Variants in MBNL2 observed in about 807,000 individuals in gnomAD.
MBNL2 encodes the protein muscleblind-like protein 2.
MBNL2 carries 17 observed loss-of-function variants against 41.9 expected under a neutral mutation model. The ratio of observed to expected loss-of-function variants is 0.41; its 90% CI spans 0.28 to 0.61. The LOEUF (loss-of-function observed/expected upper bound fraction) is 0.61, where lower values mean the gene tolerates loss of function less well. Ranked by LOEUF, MBNL2 falls within the 20% of genes least tolerant of loss-of-function variation. The pLI is 0.35. For synonymous variants in MBNL2, 195 were observed against 182.9 expected (o/e 1.07, Z -0.53); for missense variants, 336 against 505.6 (o/e 0.66, Z 3.22).
chr13:97,374,767 T>G (rs891107821), intron 8 of MBNL2, among the ~76,000 whole-genome samples: 17 of 152,172 alleles, frequency 1.1e-4, no homozygotes, highest in African/African-American at 2.9e-4. Context: ...TTTTGGCTTT[T>G]GTTGATGGTA....
intron 1 of MBNL2, among the ~76,000 whole-genome samples, chr13:97,265,071 G>A (rs1007293353): frequency 7.9e-5 from 12 of 152,210 alleles, no homozygotes; most frequent in Admixed American, 2.0e-4. Context: ...ATACAAATAC[G>A]TGTTGAATAG....
At chr13:97,203,125 T>C in the MBNL2 span, among the ~76,000 whole-genome samples, 1 of 152,110 alleles carries the variant, frequency 6.6e-6, no homozygotes, top group Non-Finnish European at 1.5e-5. Flanking sequence ...TGTAGGGAAG[T>C]ATGCCTCTTA....
chr13:97,185,060 T>C, the MBNL2 span, among the ~76,000 whole-genome samples: 1 of 152,192 alleles, frequency 6.6e-6, no homozygotes, highest in African/African-American at 2.4e-5. Context: ...TTATTTCTTG[T>C]GTTTCTGCAT....
intron 7 of MBNL2, among the ~76,000 whole-genome samples, chr13:97,358,193 G>A (rs778998500): frequency 1.3e-5 from 2 of 152,042 alleles, no homozygotes; most frequent in Admixed American, 6.5e-5. Context: ...ATACTATTAC[G>A]TACGATGTGC....
intron 2 of MBNL2, among the ~76,000 whole-genome samples, chr13:97,297,489 G>A (rs559248680): frequency 6.6e-6 from 1 of 152,180 alleles, no homozygotes; most frequent in East Asian, 1.9e-4. Context: ...GGAGAATTGG[G>A]GTGGGAATGG....
intron 1 of MBNL2, among the ~76,000 whole-genome samples, chr13:97,254,251 G>T (rs1380044758): frequency 6.6e-6 from 1 of 152,090 alleles, no homozygotes; most frequent in Non-Finnish European, 1.5e-5. Context: ...GAAGCATTTA[G>T]ATATTTAGAT....
At position 97,271,388 on chromosome 13, in the gene MBNL2, G is replaced by A. The variant is rs1191395442; in HGVS notation, c.-604-4244G>A. ...CTCCCAAAGTGCTAGGATGACAGGC[G>A]TGAGCCACTGCACCCAGCCTACTCC... On this transcript the variant is annotated intron_variant, in intron 1 of 8. Coordinates refer to ENST00000679496, the MANE Select transcript of MBNL2 (RefSeq NM_001382683.1). Among the ~76,000 whole-genome samples the A allele has an allele frequency of 4.0e-5, 6 of 151,656 alleles. No individual in the cohort carries two copies. The East Asian group carries it at 7.7e-4, about 20-fold the overall frequency.
chr13:97,361,894 C>G (rs1396256818), intron 7 of MBNL2, among the ~76,000 whole-genome samples: 1 of 150,860 alleles, frequency 6.6e-6, no homozygotes. Context: ...CTCAGCCTTC[C>G]AAGTAGCTGG....
chr13:97,202,614 TA>T, the MBNL2 span, among the ~76,000 whole-genome samples: 5 of 152,122 alleles, frequency 3.3e-5, no homozygotes, highest in East Asian at 1.9e-4. Context: ...CTGCAATGTT[TA>T]AAAAAAATAA....
the MBNL2 span, among the ~76,000 whole-genome samples, chr13:97,144,346 G>GACTATAACC: frequency 6.6e-6 from 1 of 151,434 alleles, no homozygotes; most frequent in African/African-American, 2.4e-5. Flanking sequence ...CTGCTTAGAG[G>GACTATAACC]ACTATAACCA....
chr13:97,356,905 G>A (rs1178135299), intron 6 of MBNL2, 56 bp downstream of exon 6: 2 of 1,113,836 alleles, frequency 1.8e-6, no homozygotes, highest in African/African-American at 3.2e-5. Context: ...AACCATCTGA[G>A]ATTTGTATTA....
chr13:97,210,307 G>A, the MBNL2 span, among the ~76,000 whole-genome samples: 1 of 152,128 alleles, frequency 6.6e-6, no homozygotes, highest in Non-Finnish European at 1.5e-5. Flanking sequence ...TGTCATCTGT[G>A]TTTCTTAGTC....
At chr13:97,196,843 C>T in the MBNL2 span, among the ~76,000 whole-genome samples, 30 of 152,162 alleles carry the variant, frequency 2.0e-4, no homozygotes, top group Non-Finnish European at 4.4e-4. Flanking sequence ...TATCTTTTGC[C>T]ACCATATGGT....
chr13:97,325,378 T>A (rs185516125), intron 2 of MBNL2, among the ~76,000 whole-genome samples: 5 of 152,228 alleles, frequency 3.3e-5, no homozygotes, highest in Non-Finnish European at 5.9e-5. Context: ...GCTCTCCCCA[T>A]CACAAGACAC....
chr13:97,224,650 AAAGTT>A (rs1452763301), intron 1 of MBNL2, among the ~76,000 whole-genome samples: 1 of 150,156 alleles, frequency 6.7e-6, no homozygotes, highest in Non-Finnish European at 1.5e-5. Context: ...AAAAAAAAAA[AAAGTT>A]GTTTGTCTCT....
intron 8 of MBNL2, among the ~76,000 whole-genome samples, chr13:97,389,318 G>C (rs1304418424): frequency 6.6e-6 from 1 of 152,162 alleles, no homozygotes; most frequent in Admixed American, 6.5e-5. Context: ...TTCTTTTCCA[G>C]ATGGTTAGGA....
chr13:97,339,015 CGTAA>C (rs202246414), intron 3 of MBNL2, among the ~76,000 whole-genome samples: 119 of 130,300 alleles, frequency 9.1e-4, no homozygotes, highest in Middle Eastern at 4.1e-3. Flanking sequence ...GTGTTGAGTA[CGTAA>C]GTATGAATGT....
chr13:97,326,467 T>C (rs1270317345), intron 2 of MBNL2, among the ~76,000 whole-genome samples: 2 of 152,224 alleles, frequency 1.3e-5, no homozygotes, highest in African/African-American at 4.8e-5. Flanking sequence ...CCAAAAATTA[T>C]TTGCATATCT....
At chr13:97,238,675 G>T (rs556985144) in intron 1 of MBNL2, among the ~76,000 whole-genome samples, 1 of 152,168 alleles carries the variant, frequency 6.6e-6, no homozygotes, top group African/African-American at 2.4e-5. Context: ...AAGTGAAAAC[G>T]ATTAGGTAGG....
Sources: allele counts gnomAD v4.1 joint callset (sites outside exome capture counted in the v4.1 genomes callset), GRCh38; gene constraint gnomAD v4.1.1; transcripts MANE v1.5; gene names NCBI Gene and HGNC (gene_info 2026-07-23, HGNC 2026-07-21).